Variants in JMY observed in about 807,000 individuals in gnomAD.
JMY encodes the protein junction mediating and regulatory protein, p53 cofactor.
Under a neutral mutation model 103.3 loss-of-function variants are expected in JMY, and 46 were observed. That is an observed-to-expected ratio of 0.45 (90% CI 0.35 to 0.57). The LOEUF is 0.57. JMY is among the 20% of genes least tolerant of loss of function. JMY has a pLI of 0.00. For synonymous variants in JMY, 526 were observed against 489.3 expected (o/e 1.07, Z -0.99); for missense variants, 1,238 against 1,255.2 (o/e 0.99, Z 0.21).
At position 79,314,500 on chromosome 5, in the gene JMY, T is replaced by C. The variant is rs533776573; in HGVS notation, c.2308T>C (p.Ser770Pro). ...DTSLTQLEAT[S>P]LPLSGVTSEL... is the part of the protein sequence containing the mutation. ...TTCATTAACACAACTTGAAGCCACCTCATTACCTCTCAGTGGTGTTACCTC... is the reference window on the plus strand; with the variant it reads ...TTCATTAACACAACTTGAAGCCACCCCATTACCTCTCAGTGGTGTTACCTC... The change falls in exon 9 of 11, where the codon TCA becomes CCA. Residue 770 changes from serine (S) to proline (P), a missense_variant. Coordinates refer to ENST00000396137, the MANE Select transcript of JMY (RefSeq NM_152405.5). The C allele has an allele frequency of 6.2e-6, 10 of 1,614,064 alleles. No homozygotes were observed. Among genetic ancestry groups the C allele is most frequent in the East Asian group, 4.5e-5 (2 of 44,882 alleles).
chr5:79,254,763 G>C (rs1404620031), intron 1 of JMY, among the ~76,000 whole-genome samples: 4 of 151,688 alleles, frequency 2.6e-5, no homozygotes, highest in African/African-American at 9.7e-5. Flanking sequence ...TCCTCATTAA[G>C]GCCAATAACT....
At chr5:79,251,845 GCTCACTGGAACCTCTGC>G (rs1206187445) in intron 1 of JMY, among the ~76,000 whole-genome samples, 3 of 152,074 alleles carry the variant, frequency 2.0e-5, no homozygotes, top group African/African-American at 7.2e-5. Flanking sequence ...CAAGATATCA[GCTCACTGGAACCTCTGC>G]CTCCTGGATT....
At chr5:79,263,175 G>A (rs1018859255) in intron 1 of JMY, among the ~76,000 whole-genome samples, 1 of 152,010 alleles carries the variant, frequency 6.6e-6, no homozygotes, top group Non-Finnish European at 1.5e-5. Context: ...CCATTATCTC[G>A]AAGAAAGTGT....
chr5:79,238,303 G>C (rs548810195), intron 1 of JMY, among the ~76,000 whole-genome samples: 1 of 152,018 alleles, frequency 6.6e-6, no homozygotes, highest in East Asian at 1.9e-4. Flanking sequence ...TTTCACTGCT[G>C]TTTTAGGTAG....
chr5:79,273,107 A>G (rs936603633), intron 1 of JMY, among the ~76,000 whole-genome samples: 1 of 152,244 alleles, frequency 6.6e-6, no homozygotes, highest in Non-Finnish European at 1.5e-5. Flanking sequence ...GAGGAAAAAT[A>G]GTCTATTTTC....
At chr5:79,308,604 G>A (rs1289665225) in intron 7 of JMY, among the ~76,000 whole-genome samples, 1 of 152,152 alleles carries the variant, frequency 6.6e-6, no homozygotes, top group African/African-American at 2.4e-5. Context: ...GAATCAGCTT[G>A]TCAGTAGCCA....
At chr5:79,290,843 G>A (rs1348317329) in intron 3 of JMY, among the ~76,000 whole-genome samples, 6 of 152,002 alleles carry the variant, frequency 3.9e-5, no homozygotes, top group East Asian at 1.9e-4. Flanking sequence ...AAAATTAGCC[G>A]GGCATGGTGG....
intron 10 of JMY, among the ~76,000 whole-genome samples, chr5:79,317,557 TATTA>T (rs1318426339): frequency 6.6e-6 from 1 of 152,250 alleles, no homozygotes; most frequent in African/African-American, 2.4e-5. Flanking sequence ...AAACATGTTC[TATTA>T]ATTATTATTC....
rs1233933618 is a variant in JMY at position 79,327,025 on chromosome 5, T to G, written c.*5423T>G. The G allele has an allele frequency of 1.3e-5, 2 of 152,240 alleles. No individual in the cohort carries two copies. Among genetic ancestry groups the G allele is most frequent in the Non-Finnish European group, 2.9e-5 (2 of 68,044 alleles). The allele number at this position is 152,240 out of a possible 1,614,324, so 9.4% of individuals were successfully genotyped here. Reference sequence around the variant, plus strand: ...GCCTTTTGCTCTTTAGTGCAGCTTTTCTGCATTGTAATTGTATTGCTTTGT... The same window carrying G: ...GCCTTTTGCTCTTTAGTGCAGCTTTGCTGCATTGTAATTGTATTGCTTTGT... On this transcript the variant is annotated 3_prime_UTR_variant, in exon 11 of 11. Coordinates refer to ENST00000396137, the MANE Select transcript of JMY (RefSeq NM_152405.5).
At chr5:79,252,219 A>T (rs570812940) in intron 1 of JMY, among the ~76,000 whole-genome samples, 2 of 151,994 alleles carry the variant, frequency 1.3e-5, no homozygotes, top group Admixed American at 6.6e-5. Flanking sequence ...TCATTGACCT[A>T]CTGGTCATTC....
At chr5:79,313,433 AAAC>A (rs1747111598) in intron 8 of JMY, among the ~76,000 whole-genome samples, 3 of 152,046 alleles carry the variant, frequency 2.0e-5, no homozygotes, top group Admixed American at 6.6e-5. Flanking sequence ...ACAAACAAAC[AAAC>A]AAAAGGTCTT....
At chr5:79,306,270 T>G in intron 6 of JMY, 105 bp from the exon 7 acceptor site, 1 of 747,036 alleles carries the variant, frequency 1.3e-6, no homozygotes, top group South Asian at 1.7e-5. Flanking sequence ...AATGTGATAC[T>G]TTGTTCTGTA....
In JMY at chr5:79,242,007, A is replaced by G. The variant is rs1410060804; in HGVS notation, c.1032+4325A>G. 5.3e-5 allele frequency among the ~76,000 whole-genome samples: 8 copies of G among 152,328 alleles called. No homozygotes were observed. The East Asian group carries it at 7.7e-4, about 15-fold the overall frequency. Reference sequence around the variant, plus strand: ...TAATGGTTTCTGTATAAGGACAGCTATTCTCAAGATGATTAACTGTGGTGC... The same window carrying G: ...TAATGGTTTCTGTATAAGGACAGCTGTTCTCAAGATGATTAACTGTGGTGC... On this transcript the variant is annotated intron_variant, in intron 1 of 10. Transcript: ENST00000396137.
At chr5:79,281,634 A>G (rs893044445) in intron 2 of JMY, among the ~76,000 whole-genome samples, 1 of 152,172 alleles carries the variant, frequency 6.6e-6, no homozygotes, top group African/African-American at 2.4e-5. Context: ...TCTTAAAATC[A>G]TGCTAAGTCA....
intron 1 of JMY, among the ~76,000 whole-genome samples, chr5:79,275,817 A>G (rs1745921975): frequency 6.6e-6 from 1 of 152,210 alleles, no homozygotes; most frequent in Non-Finnish European, 1.5e-5. Context: ...AAAGCACTTT[A>G]ATGTAGATTG....
chr5:79,291,136 A>G lies in JMY; in HGVS notation c.1364A>G (p.Tyr455Cys), dbSNP rs1746407640. The G allele has an allele frequency of 2.5e-6, 4 of 1,592,414 alleles. No individual in the cohort carries two copies. Among genetic ancestry groups the G allele is most frequent in the Non-Finnish European group, 2.6e-6 (3 of 1,173,058 alleles). Residue 455 changes from tyrosine to cysteine, a missense_variant, in exon 4 of 11, where the codon TAT (tyrosine) becomes TGT (cysteine). Physicochemically the swap from Tyr to Cys is radical, Grantham distance 194. Transcript: ENST00000396137. ...TTTAAAAAATTATTAATAGCTGTGT[A>G]TGATCGAATGCGAGCTGATCAGAAG... ...EITAKAQKAV[Y>C]DRMRADQKKF...
At chr5:79,274,398 T>G (rs536577650) in intron 1 of JMY, among the ~76,000 whole-genome samples, 152 of 133,760 alleles carry the variant, frequency 1.1e-3, no homozygotes, top group African/African-American at 4.3e-3. Context: ...AAAATAGTGT[T>G]TTTTTTTGTT....
At chr5:79,238,894 A>G (rs1374388894) in intron 1 of JMY, among the ~76,000 whole-genome samples, 1 of 151,760 alleles carries the variant, frequency 6.6e-6, no homozygotes, top group Non-Finnish European at 1.5e-5. Flanking sequence ...CGATCTCCTG[A>G]CCTCGTGATC....
At chr5:79,251,227 A>G (rs1745074774) in intron 1 of JMY, among the ~76,000 whole-genome samples, 1 of 152,106 alleles carries the variant, frequency 6.6e-6, no homozygotes, top group South Asian at 2.1e-4. Context: ...TTTCTTTATT[A>G]TAAATATATT....
Sources: allele counts gnomAD v4.1 joint callset (sites outside exome capture counted in the v4.1 genomes callset), GRCh38; gene constraint gnomAD v4.1.1; transcripts MANE v1.5; gene names NCBI Gene and HGNC (gene_info 2026-07-23, HGNC 2026-07-21).